Variants in DEPDC1B observed in about 807,000 individuals in gnomAD.
The protein encoded by DEPDC1B is DEP domain containing 1B, also known as DEP domain-containing protein 1B.
DEPDC1B carries 51 observed loss-of-function variants against 66.5 expected under a neutral mutation model. The ratio of observed to expected loss-of-function variants is 0.77; its 90% CI spans 0.61 to 0.97. The LOEUF is 0.97. Ranked by LOEUF, DEPDC1B falls within the 50% of genes least tolerant of loss-of-function variation. The probability of loss-of-function intolerance (pLI) is 0.00; values close to 1 mark genes in which losing one functional copy is unlikely to be tolerated. For missense variants in DEPDC1B, 552 were observed against 637.1 expected (o/e 0.87, Z 1.44); for synonymous variants, 226 against 223.6 (o/e 1.01, Z -0.10).
At chr5:60,681,730 T>C (rs548628182) in intron 2 of DEPDC1B, among the ~76,000 whole-genome samples, 1 of 151,818 alleles carries the variant, frequency 6.6e-6, no homozygotes, top group South Asian at 2.1e-4. Flanking sequence ...AGATACAAAA[T>C]AACACAGACA....
At position 60,644,786 on chromosome 5, in the gene DEPDC1B, C is replaced by G; in HGVS notation, c.668G>C (p.Ser223Thr). ...AATAACAACTCCCTGCTTGCTAACA[C>G]TATATACATTATGGATGATGAACTT... ...NSKFIIHNVY[S>T]VSKQGVVILD... is the part of the protein sequence containing the mutation. Residue 223 changes from serine to threonine, a missense_variant, in exon 5 of 11, where the codon AGT (serine) becomes ACT (threonine). Coordinates refer to ENST00000265036, the MANE Select transcript of DEPDC1B (RefSeq NM_018369.3). 6.2e-7 allele frequency: 1 copy of G among 1,610,180 alleles called. No homozygotes were observed. The highest frequency in any genetic ancestry group is 8.5e-7 in the Non-Finnish European group (1 of 1,178,208).
At chr5:60,607,838 T>C (rs953129648) in intron 7 of DEPDC1B, among the ~76,000 whole-genome samples, 8 of 152,188 alleles carry the variant, frequency 5.3e-5, no homozygotes, top group Admixed American at 5.2e-4. Context: ...TGTGAGAGCA[T>C]GCTGGGAGTG....
At position 60,621,133 on chromosome 5, in the gene DEPDC1B, C is replaced by G. The variant is rs184270583; in HGVS notation, c.899-15277G>C. Among the ~76,000 whole-genome samples the G allele has an allele frequency of 3.4e-4, 51 of 149,458 alleles. 1 individual carries two copies. Among genetic ancestry groups the G allele is most frequent in the African/African-American group, 1.2e-3 (49 of 40,160 alleles). On this transcript the variant is annotated intron_variant, in intron 7 of 10. Coordinates refer to ENST00000265036, the MANE Select transcript of DEPDC1B (RefSeq NM_018369.3). Reference sequence around the variant, plus strand: ...GAAGGGGAACATCACACACCGGGGACTGTTGTGGGGTGGGGGTAGGGGGAG... The same window carrying G: ...GAAGGGGAACATCACACACCGGGGAGTGTTGTGGGGTGGGGGTAGGGGGAG...
chr5:60,685,362 G>A (rs889363526), intron 2 of DEPDC1B, among the ~76,000 whole-genome samples: 5 of 150,062 alleles, frequency 3.3e-5, no homozygotes, highest in Non-Finnish European at 5.9e-5. Context: ...CAGGAAAATG[G>A]AAAGCCATAA....
intron 7 of DEPDC1B, among the ~76,000 whole-genome samples, chr5:60,623,305 C>T (rs1403281153): frequency 1.3e-5 from 2 of 152,090 alleles, no homozygotes; most frequent in African/African-American, 2.4e-5. Flanking sequence ...TACTATTGGA[C>T]CCTCTATTCT....
intron 10 of DEPDC1B, 63 bp from the exon 11 acceptor site, chr5:60,597,977 A>T: frequency 2.1e-6 from 3 of 1,425,928 alleles, no homozygotes; most frequent in Non-Finnish European, 2.8e-6. Context: ...AAAATTTGGC[A>T]GCCAAATTTT....
At chr5:60,665,090 T>A (rs1285470713) in intron 2 of DEPDC1B, among the ~76,000 whole-genome samples, 1 of 152,100 alleles carries the variant, frequency 6.6e-6, no homozygotes, top group Admixed American at 6.5e-5. Flanking sequence ...ACCCCTAGTA[T>A]GGAGTAATCC....
chr5:60,658,553 G>C (rs1441066454), intron 2 of DEPDC1B, among the ~76,000 whole-genome samples: 7 of 145,240 alleles, frequency 4.8e-5, no homozygotes, highest in Non-Finnish European at 9.1e-5. Context: ...GCCTAGCTGA[G>C]AAAGGTGACT....
At chr5:60,638,969 G>A (rs910442136) in intron 6 of DEPDC1B, 79 bp from the exon 7 acceptor site, 78 of 1,485,170 alleles carry the variant, frequency 5.3e-5, no homozygotes, top group Non-Finnish European at 6.9e-5. Flanking sequence ...AATATGTGTG[G>A]CGTGTACAGA....
rs1257600442 is a variant in DEPDC1B, at chr5:60,642,874, A to G, written c.710-15T>C. The G allele has an allele frequency of 1.4e-5, 23 of 1,605,570 alleles. No individual in the cohort carries two copies. The highest frequency in any genetic ancestry group is 1.9e-5 in the Non-Finnish European group (22 of 1,175,228). On this transcript the variant is annotated splice_polypyrimidine_tract_variant and intron_variant, in intron 5 of 10. Coordinates refer to ENST00000265036, the MANE Select transcript of DEPDC1B (RefSeq NM_018369.3). ...AGGAAGTTCTTCTGAAGGAAAAAGA[A>G]AATTTGTACTCAATTCCATATAACT...
chr5:60,644,662 G>T, intron 5 of DEPDC1B, 83 bp downstream of exon 5: 1 of 1,187,040 alleles, frequency 8.4e-7, no homozygotes, highest in Non-Finnish European at 1.2e-6. Context: ...TCAGGGTTTA[G>T]GGAAGGGTCA....
At position 60,673,330 on chromosome 5, in the gene DEPDC1B, G is replaced by T. The variant is rs188615695; in HGVS notation, c.314+13632C>A. 5.3e-4 allele frequency among the ~76,000 whole-genome samples: 80 copies of T among 152,270 alleles called. 1 individual carries two copies. Among genetic ancestry groups the T allele is most frequent in the Non-Finnish European group, 4.4e-5 (3 of 68,034 alleles). Reference sequence around the variant, plus strand: ...TCTTTCTAACTAAACTATAGATAGGGGCATGCATCAAAAGTGTTTAGCACC... The same window carrying T: ...TCTTTCTAACTAAACTATAGATAGGTGCATGCATCAAAAGTGTTTAGCACC... On this transcript the variant is annotated intron_variant, in intron 2 of 10. Transcript: ENST00000265036.
intron 2 of DEPDC1B, among the ~76,000 whole-genome samples, chr5:60,654,346 T>G (rs1345724854): frequency 6.7e-6 from 1 of 148,250 alleles, no homozygotes; most frequent in African/African-American, 2.6e-5. Flanking sequence ...ATTCCCTAAG[T>G]TTTTTGGTGT....
At chr5:60,697,609 T>C (rs940976041) in intron 1 of DEPDC1B, among the ~76,000 whole-genome samples, 8 of 152,172 alleles carry the variant, frequency 5.3e-5, no homozygotes, top group Non-Finnish European at 8.8e-5. Context: ...GCATCTTCAA[T>C]GTTGGCTGCA....
At chr5:60,677,525 T>A (rs189150890) in intron 2 of DEPDC1B, among the ~76,000 whole-genome samples, 34 of 152,200 alleles carry the variant, frequency 2.2e-4, no homozygotes, top group Admixed American at 2.2e-3. Context: ...CCCTGTCATT[T>A]TTTTCTTTTT....
At chr5:60,624,531 C>T (rs1752771111) in intron 7 of DEPDC1B, among the ~76,000 whole-genome samples, 1 of 152,160 alleles carries the variant, frequency 6.6e-6, no homozygotes, top group African/African-American at 2.4e-5. Context: ...ATTCCCTCAT[C>T]TTCTATTTTC....
chr5:60,696,708 G>A (rs1435212167), intron 1 of DEPDC1B, among the ~76,000 whole-genome samples: 3 of 151,580 alleles, frequency 2.0e-5, no homozygotes, highest in Admixed American at 2.0e-4. Context: ...TTTTTGTTTT[G>A]CTCTACTTAT....
At chr5:60,602,837 G>C (rs544033037) in intron 9 of DEPDC1B, among the ~76,000 whole-genome samples, 5 of 152,202 alleles carry the variant, frequency 3.3e-5, no homozygotes, top group Non-Finnish European at 7.3e-5. Context: ...TCACACGACA[G>C]AAAGGATACA....
At chr5:60,606,818 C>CT (rs1167431351) in intron 7 of DEPDC1B, among the ~76,000 whole-genome samples, 1 of 150,980 alleles carries the variant, frequency 6.6e-6, no homozygotes, top group Non-Finnish European at 1.5e-5. Flanking sequence ...ATATTGCTCT[C>CT]TTTTTTACTA....
Sources: allele counts gnomAD v4.1 joint callset (sites outside exome capture counted in the v4.1 genomes callset), GRCh38; gene constraint gnomAD v4.1.1; transcripts MANE v1.5; gene names NCBI Gene and HGNC (gene_info 2026-07-23, HGNC 2026-07-21).